Variants in TPCN1 observed in about 807,000 individuals in gnomAD.
TPCN1 encodes two pore channel protein 1.
Under a neutral mutation model 108.8 loss-of-function variants are expected in TPCN1, and 52 were observed. The observed-to-expected ratio is 0.48, with a 90% CI of 0.38 to 0.60. TPCN1 has a LOEUF of 0.60. Ranked by LOEUF, TPCN1 falls within the 20% of genes least tolerant of loss-of-function variation. The pLI, the probability that TPCN1 is intolerant of heterozygous loss-of-function variation, is 0.00. For missense variants in TPCN1, 806 were observed against 1,072.8 expected, an observed-to-expected ratio of 0.75 and a Z score of 3.47; for synonymous variants, 446 against 433.7, an observed-to-expected ratio of 1.03 and a Z score of -0.35.
At position 113,296,445 on chromosome 12, in the gene TPCN1, TCA is replaced by T. The variant is rs199668863; in HGVS notation, c.*372_*373del. On this transcript the variant is annotated 3_prime_UTR_variant, in exon 28 of 28. Transcript: ENST00000335509. The stretch of plus-strand genomic sequence containing the variant: ...AGCTGTCACTGCTACTGCTTCAGGC[TCA>T]CATCCCCCCGACCTGATGGCGTGCC... 4.8e-3 allele frequency: 1,101 copies of T among 227,530 alleles called. 23 individuals are homozygous for T. The highest frequency in any genetic ancestry group is 0.039 in the Admixed American group (761 of 19,354). 14.1% of individuals were successfully genotyped at this position (227,530 alleles called of 1,614,324 possible). A position where few individuals can be genotyped will look rare whatever the true frequency, so the allele number is the denominator to read the frequency against.
chr12:113,277,304 G>A lies in TPCN1; in HGVS notation c.1124G>A (p.Ser375Asn). 1 of 1,614,196 alleles carries A rather than the reference G, an allele frequency of 6.2e-7. No homozygotes were observed. The highest frequency in any genetic ancestry group is 8.5e-7 in the Non-Finnish European group (1 of 1,180,032). ...ATGCGCTTCTACAAGCCCCGGATGA[G>A]TGCCAGGGAGCGCTATCTTACCTTC... Reference protein sequence around the residue: ...GLMRFYKPRMSARERYLTFKA... With the variant: ...GLMRFYKPRMNARERYLTFKA... The change falls in exon 12 of 28, where the codon AGT (serine) becomes AAT (asparagine). Residue 375 changes from serine to asparagine, a missense_variant. Ser to Asn is a conservative substitution (Grantham distance 46). Transcript: ENST00000335509.
At chr12:113,227,074 C>T in intron 2 of TPCN1, 110 bp downstream of exon 2, 1 of 887,762 alleles carries the variant, frequency 1.1e-6, no homozygotes. Context: ...GTTGCCTGGC[C>T]CCACATTTGA....
At chr12:113,275,896 C>T (rs1955658933) in intron 10 of TPCN1, among the ~76,000 whole-genome samples, 1 of 152,148 alleles carries the variant, frequency 6.6e-6, no homozygotes. Context: ...TGTTTTAATT[C>T]CTCAAAACCA....
chr12:113,274,346 G>T (rs1329756189), intron 10 of TPCN1, among the ~76,000 whole-genome samples: 3 of 152,060 alleles, frequency 2.0e-5, no homozygotes, highest in African/African-American at 7.2e-5. Context: ...TACTCAGGAG[G>T]CTGAGGCAGA....
intron 15 of TPCN1, chr12:113,280,435 C>T (rs1470232424): frequency 7.5e-6 from 3 of 400,968 alleles, no homozygotes; most frequent in African/African-American, 6.1e-5. Context: ...GAAGCAAATT[C>T]CAGAACCACA....
At chr12:113,227,056 T>G in intron 2 of TPCN1, 92 bp downstream of exon 2, 7 of 1,051,354 alleles carry the variant, frequency 6.7e-6, no homozygotes, top group Non-Finnish European at 9.5e-6. Context: ...AGTAGGGGTG[T>G]GTAACTTGTT....
intron 2 of TPCN1, among the ~76,000 whole-genome samples, chr12:113,245,160 T>C (rs941473986): frequency 4.6e-5 from 7 of 152,146 alleles, no homozygotes; most frequent in African/African-American, 4.8e-5. Context: ...TCCCAGCTAC[T>C]TGGGAGGCTG....
intron 10 of TPCN1, among the ~76,000 whole-genome samples, chr12:113,274,309 G>A (rs770259625): frequency 7.9e-5 from 12 of 152,054 alleles, no homozygotes; most frequent in Admixed American, 2.0e-4. Context: ...TTAGCTGGGC[G>A]TGGTGGTGGG....
intron 2 of TPCN1, among the ~76,000 whole-genome samples, chr12:113,239,469 G>A (rs905225691): frequency 1.3e-5 from 2 of 152,152 alleles, no homozygotes; most frequent in Non-Finnish European, 2.9e-5. Context: ...GCAAAGGCAG[G>A]GATCATGTCT....
In TPCN1 at chr12:113,288,599, C is replaced by G; in HGVS notation, c.1707-159C>G. On this transcript the variant is annotated intron_variant, in intron 20 of 27. Transcript: ENST00000335509. This position sits in a 1 kb window ranked among gnomAD's most constrained non-coding sequence, Gnocchi z 4.8. ...ACTTGAGCTGTTTTTCACCCCAGAG[C>G]TGCCCCACGAGGCCCCTTCCCCGCA... The G allele has an allele frequency of 6.7e-7, 1 of 1,490,372 alleles. No homozygotes were observed. Among genetic ancestry groups the G allele is most frequent in the Non-Finnish European group, 8.9e-7 (1 of 1,123,190 alleles). The allele number at this position is 1,490,372 out of a possible 1,614,324, so 92.3% of individuals were successfully genotyped here.
intron 18 of TPCN1, among the ~76,000 whole-genome samples, chr12:113,286,451 G>GTGGGC (rs1481076584): frequency 2.8e-3 from 427 of 151,406 alleles, no homozygotes; most frequent in East Asian, 7.1e-3. Context: ...AACACGCAGA[G>GTGGGC]CGGAGTTGGG....
chr12:113,223,250 T>C (rs1160964420), intron 1 of TPCN1, among the ~76,000 whole-genome samples: 7 of 152,240 alleles, frequency 4.6e-5, no homozygotes, highest in Non-Finnish European at 7.3e-5. Context: ...CGTTGTACTG[T>C]TCCCTGTGGA....
chr12:113,285,590 G>A (rs1956047480), intron 17 of TPCN1, among the ~76,000 whole-genome samples: 1 of 152,164 alleles, frequency 6.6e-6, no homozygotes, highest in Non-Finnish European at 1.5e-5. Context: ...TGCTCAGGCT[G>A]GTCTCCAACT....
intron 23 of TPCN1, among the ~76,000 whole-genome samples, chr12:113,291,220 A>C (rs1231609455): frequency 6.6e-6 from 1 of 152,112 alleles, no homozygotes; most frequent in East Asian, 1.9e-4. Context: ...ATCTCCCTGC[A>C]TGTCCCCAGC....
Position 113,278,627 on chromosome 12 carries a change from G to C in TPCN1, c.1234-145G>C, listed in dbSNP as rs544058158. ...GTAAACGCTCGGTACACACTGGCTGGCTGTGTTGTCATGTAGATCCCTGAA... is the reference window on the plus strand; with the variant it reads ...GTAAACGCTCGGTACACACTGGCTGCCTGTGTTGTCATGTAGATCCCTGAA... On this transcript the variant is annotated intron_variant, in intron 13 of 27. Coordinates refer to ENST00000335509, the MANE Select transcript of TPCN1 (RefSeq NM_017901.6). 22 of 652,056 alleles carry C rather than the reference G, an allele frequency of 3.4e-5. No individual in the cohort carries two copies. In the African/African-American group the frequency reaches 3.4e-4, roughly 10 times the overall value. The allele number at this position is 652,056 out of a possible 1,614,324, so 40.4% of individuals were successfully genotyped here.
At chr12:113,245,553 A>G (rs1214251329) in intron 2 of TPCN1, among the ~76,000 whole-genome samples, 1 of 143,448 alleles carries the variant, frequency 7.0e-6, no homozygotes, top group Admixed American at 7.0e-5. Flanking sequence ...GTGAGCCGAG[A>G]TCGCGCCACT....
chr12:113,288,201 A>G lies in TPCN1; in HGVS notation c.1673A>G (p.Asp558Gly). ...KLKERYRNVL[D>G]TMFELLPRMA... ...AAGGAGCGCTACCGCAACGTGCTGG[A>G]CACCATGTTCGAGCTGCTGCCCCGG... The change falls in exon 20 of 28, where the codon GAC becomes GGC. Residue 558 changes from aspartate to glycine, a missense_variant. Coordinates refer to ENST00000335509, the MANE Select transcript of TPCN1 (RefSeq NM_017901.6). This position sits in a 1 kb window ranked among gnomAD's most constrained non-coding sequence, Gnocchi z 4.8. 1 of 1,613,972 alleles carries G rather than the reference A, an allele frequency of 6.2e-7. No individual in the cohort carries two copies. The highest frequency in any genetic ancestry group is 2.2e-5 in the East Asian group (1 of 44,868).
At chr12:113,241,285 C>A (rs1954110660) in intron 2 of TPCN1, among the ~76,000 whole-genome samples, 1 of 152,212 alleles carries the variant, frequency 6.6e-6, no homozygotes. Context: ...CTGTCACTTC[C>A]CCAATGTGCC....
intron 2 of TPCN1, among the ~76,000 whole-genome samples, chr12:113,242,057 G>C (rs1049149857): frequency 1.3e-5 from 2 of 152,098 alleles, no homozygotes; most frequent in Non-Finnish European, 2.9e-5. Context: ...CTGGCAAACC[G>C]GGGGGCATGC....
Sources: gnomAD v4.1 joint callset for allele counts (sites outside exome capture counted in the v4.1 genomes callset) on GRCh38, gnomAD v4.1.1 for gene constraint, Gnocchi (gnomAD v3.1) non-coding constraint, MANE v1.5 for transcripts, NCBI Gene and HGNC (gene_info 2026-07-23, HGNC 2026-07-21) for gene names.